The following GALNT13 variants were observed in gnomAD, a reference collection of about 807,000 sequenced individuals.
GALNT13 encodes the protein polypeptide N-acetylgalactosaminyltransferase 13.
In GALNT13, 28 loss-of-function variants were observed where a neutral mutation model predicts 64.2. The observed-to-expected ratio is 0.44, with a 90% CI of 0.32 to 0.60. The LOEUF (loss-of-function observed/expected upper bound fraction) is 0.60, where lower values mean the gene tolerates loss of function less well. Ranked by LOEUF, GALNT13 falls within the 20% of genes least tolerant of loss-of-function variation. The pLI is 0.05. For synonymous variants in GALNT13, 214 were observed against 224.6 expected, an observed-to-expected ratio of 0.95 and a Z score of 0.42; for missense variants, 577 against 669.8, an observed-to-expected ratio of 0.86 and a Z score of 1.53.
In GALNT13 at chr2:154,242,684, T is replaced by C. The variant is rs201676227; in HGVS notation, c.479-14T>C. ...TTCAAAAATTTTTCTTATAAATTCT[T>C]ATACATGTTACAGATTTTCTCAAGT... On this transcript the variant is annotated splice_polypyrimidine_tract_variant and intron_variant, in intron 5 of 12. Coordinates refer to ENST00000392825, the MANE Select transcript of GALNT13 (RefSeq NM_052917.4). 2 of 1,573,810 alleles carry C rather than the reference T, an allele frequency of 1.3e-6. No individual in the cohort carries two copies. The highest frequency in any genetic ancestry group is 1.7e-6 in the Non-Finnish European group (2 of 1,144,890).
At chr2:154,299,978 T>C (rs558343364) in intron 8 of GALNT13, among the ~76,000 whole-genome samples, 15 of 152,028 alleles carry the variant, frequency 9.9e-5, no homozygotes, top group African/African-American at 2.7e-4. Flanking sequence ...TCATCTTTTA[T>C]CTTCTGATAA....
chr2:153,867,537 C>A (rs1007311762), upstream of GALNT13, among the ~76,000 whole-genome samples: 3 of 152,062 alleles, frequency 2.0e-5, no homozygotes, highest in African/African-American at 7.2e-5. Context: ...TTGTGGAAGA[C>A]AATTTTTCCA....
chr2:154,267,569 G>T (rs570118417), intron 8 of GALNT13, among the ~76,000 whole-genome samples: 83 of 152,232 alleles, frequency 5.5e-4, no homozygotes, highest in African/African-American at 1.9e-3. Context: ...CAACCTGGGA[G>T]GCGGAGCTTG....
At chr2:153,759,097 A>G in the GALNT13 span, among the ~76,000 whole-genome samples, 2 of 152,206 alleles carry the variant, frequency 1.3e-5, no homozygotes, top group African/African-American at 4.8e-5. Flanking sequence ...TCTGTTTCAG[A>G]TTGTTCATTG....
chr2:153,301,010 C>G, the GALNT13 span, among the ~76,000 whole-genome samples: 1 of 152,050 alleles, frequency 6.6e-6, no homozygotes, highest in Non-Finnish European at 1.5e-5. Context: ...TTGAGACCAG[C>G]CTGGGCAACA....
intron 3 of GALNT13, among the ~76,000 whole-genome samples, chr2:153,991,781 T>A (rs527829184): frequency 6.6e-6 from 1 of 152,176 alleles, no homozygotes; most frequent in Non-Finnish European, 1.5e-5. Context: ...ATCAAGAAAT[T>A]GTTTAATTTT....
At chr2:154,286,429 T>C (rs936422227) in intron 8 of GALNT13, among the ~76,000 whole-genome samples, 1 of 152,186 alleles carries the variant, frequency 6.6e-6, no homozygotes, top group African/African-American at 2.4e-5. Context: ...ACTCAGATGA[T>C]CATGTGCTTT....
At chr2:154,445,975 T>G (rs1247862190) in intron 12 of GALNT13, 1 of 442,596 alleles carries the variant, frequency 2.3e-6, no homozygotes, top group Admixed American at 2.8e-5. Flanking sequence ...GTTAATCTTT[T>G]TCTTTTTCCT....
At chr2:153,778,464 C>G in the GALNT13 span, among the ~76,000 whole-genome samples, 5 of 152,312 alleles carry the variant, frequency 3.3e-5, no homozygotes, top group East Asian at 9.7e-4. Flanking sequence ...CCATGCCCTT[C>G]CCTTCCCAGA....
At chr2:153,509,363 G>A in the GALNT13 span, among the ~76,000 whole-genome samples, 6 of 152,346 alleles carry the variant, frequency 3.9e-5, 1 homozygote, top group South Asian at 1.0e-3. Context: ...CACGGAGTGC[G>A]CAGACCTGGC....
the GALNT13 span, among the ~76,000 whole-genome samples, chr2:153,207,560 CTTCCT>C: frequency 6.6e-6 from 1 of 152,098 alleles, no homozygotes; most frequent in African/African-American, 2.4e-5. Flanking sequence ...TTAAGATAAA[CTTCCT>C]TTCATCTACC....
chr2:154,061,302 C>T (rs980621876), intron 3 of GALNT13, among the ~76,000 whole-genome samples: 1 of 152,102 alleles, frequency 6.6e-6, no homozygotes, highest in Non-Finnish European at 1.5e-5. Context: ...AATGCGTTGG[C>T]TGTAAATACC....
the GALNT13 span, among the ~76,000 whole-genome samples, chr2:153,552,338 GA>G: frequency 6.6e-6 from 1 of 152,124 alleles, no homozygotes; most frequent in Non-Finnish European, 1.5e-5. Flanking sequence ...ATGTTGATGA[GA>G]ATGATCCAGG....
At chr2:153,853,430 A>C in the GALNT13 span, among the ~76,000 whole-genome samples, 5 of 152,234 alleles carry the variant, frequency 3.3e-5, no homozygotes, top group Admixed American at 6.5e-5. Flanking sequence ...ATAGTCAAAA[A>C]CTGGAAACAA....
the GALNT13 span, among the ~76,000 whole-genome samples, chr2:153,659,945 G>A: frequency 2.0e-5 from 3 of 152,110 alleles, no homozygotes; most frequent in Non-Finnish European, 2.9e-5. Flanking sequence ...GAAATATATT[G>A]TTATTCAATC....
At chr2:153,357,240 T>A in the GALNT13 span, 1 of 152,206 alleles carries the variant, frequency 6.6e-6, no homozygotes, top group Non-Finnish European at 1.5e-5. Flanking sequence ...ATACTTTCTG[T>A]TTTATCTTGA....
At chr2:153,345,623 C>CCTTTCT in the GALNT13 span, among the ~76,000 whole-genome samples, 362 of 147,120 alleles carry the variant, frequency 2.5e-3, 1 homozygote, top group Admixed American at 3.3e-3. Context: ...CTTTTCTTTT[C>CCTTTCT]TTTTCCTTTC....
intron 9 of GALNT13, among the ~76,000 whole-genome samples, chr2:154,328,115 G>T (rs1694974765): frequency 1.3e-5 from 2 of 152,022 alleles, no homozygotes; most frequent in Admixed American, 1.3e-4. Context: ...TCCCCAGCAT[G>T]CTGTTTTAAA....
the GALNT13 span, among the ~76,000 whole-genome samples, chr2:153,095,290 G>A: frequency 6.6e-6 from 1 of 152,202 alleles, no homozygotes; most frequent in Admixed American, 6.5e-5. Context: ...ATGAAAAAAT[G>A]CTCATCATCA....
Sources: gnomAD v4.1 joint callset for allele counts (sites outside exome capture counted in the v4.1 genomes callset) on GRCh38, gnomAD v4.1.1 for gene constraint, MANE v1.5 for transcripts, NCBI Gene and HGNC (gene_info 2026-07-23, HGNC 2026-07-21) for gene names.